The following ENOX1 variants were observed in gnomAD, a reference collection of about 807,000 sequenced individuals.
ENOX1 encodes candidate growth-related and time keeping constitutive hydroquinone (NADH) oxidase.
A neutral mutation model predicts 82.5 loss-of-function variants in ENOX1; 42 were observed. The ratio of observed to expected loss-of-function variants is 0.51; its 90% CI spans 0.40 to 0.66. The LOEUF (loss-of-function observed/expected upper bound fraction) is 0.66. Ranked by LOEUF, ENOX1 falls within the 30% of genes least tolerant of loss-of-function variation. ENOX1 has a pLI of 0.00. For missense variants in ENOX1, 608 were observed against 811.6 expected (o/e 0.75, Z 3.05); for synonymous variants, 271 against 282.2 (o/e 0.96, Z 0.40).
At chr13:43,620,878 T>C (rs1333859452) in intron 2 of ENOX1, among the ~76,000 whole-genome samples, 1 of 152,218 alleles carries the variant, frequency 6.6e-6, no homozygotes, top group Non-Finnish European at 1.5e-5. Context: ...TGTTGTTGTC[T>C]ATCTCATTTC....
intron 14 of ENOX1, among the ~76,000 whole-genome samples, chr13:43,237,334 A>AT (rs2042598453): frequency 6.6e-6 from 1 of 152,212 alleles, no homozygotes; most frequent in South Asian, 2.1e-4. Flanking sequence ...AGGCTGGACT[A>AT]TTTTTAGTTC....
At chr13:43,514,017 T>C (rs1398014579) in intron 2 of ENOX1, among the ~76,000 whole-genome samples, 2 of 152,174 alleles carry the variant, frequency 1.3e-5, no homozygotes, top group Non-Finnish European at 2.9e-5. Context: ...TGCATGTGCA[T>C]TTATTTCTGT....
At chr13:43,610,746 A>G (rs981807537) in intron 2 of ENOX1, among the ~76,000 whole-genome samples, 2 of 9,244 alleles carry the variant, frequency 2.2e-4, no homozygotes, top group Non-Finnish European at 2.7e-4. Context: ...AACATTTCCC[A>G]TAGTTTTTTT....
intron 1 of ENOX1, among the ~76,000 whole-genome samples, chr13:43,706,485 T>C (rs1039850656): frequency 1.3e-5 from 2 of 151,964 alleles, no homozygotes; most frequent in Non-Finnish European, 2.9e-5. Flanking sequence ...CTCAGAAAGA[T>C]GTAAAAGCTG....
chr13:43,687,832 CAGGA>C (rs1468173387), intron 1 of ENOX1, among the ~76,000 whole-genome samples: 1 of 152,044 alleles, frequency 6.6e-6, no homozygotes, highest in African/African-American at 2.4e-5. Context: ...ATGGGCCACA[CAGGA>C]AGGAAACCAA....
At chr13:43,674,402 G>A (rs1466307601) in intron 1 of ENOX1, among the ~76,000 whole-genome samples, 1 of 152,156 alleles carries the variant, frequency 6.6e-6, no homozygotes, top group Non-Finnish European at 1.5e-5. Context: ...AGAGCAAAAG[G>A]CTACAGCAAA....
intron 2 of ENOX1, among the ~76,000 whole-genome samples, chr13:43,639,834 T>C (rs1310547392): frequency 6.6e-6 from 1 of 152,134 alleles, no homozygotes; most frequent in African/African-American, 2.4e-5. Context: ...TTCGAGATTA[T>C]CCTGGCCAAC....
intron 8 of ENOX1, 53 bp downstream of exon 8, chr13:43,355,866 C>A: frequency 6.5e-7 from 1 of 1,536,682 alleles, no homozygotes; most frequent in Non-Finnish European, 8.9e-7. Context: ...GCACAGGGTT[C>A]CGTGTCTGGG....
intron 1 of ENOX1, among the ~76,000 whole-genome samples, chr13:43,728,359 T>C (rs1301155774): frequency 6.6e-6 from 1 of 152,218 alleles, no homozygotes; most frequent in Non-Finnish European, 1.5e-5. Flanking sequence ...TTAAAGATTT[T>C]GAGGGGAGAA....
intron 2 of ENOX1, among the ~76,000 whole-genome samples, chr13:43,499,871 G>T (rs1383233866): frequency 6.6e-6 from 1 of 151,982 alleles, no homozygotes; most frequent in African/African-American, 2.4e-5. Context: ...AAAATTAGAA[G>T]TTCAACAAAG....
chr13:43,237,627 C>T (rs7320825), intron 14 of ENOX1, among the ~76,000 whole-genome samples: 32,987 of 151,952 alleles, frequency 0.22, 4,373 homozygotes, highest in African/African-American at 0.37. Flanking sequence ...GCCGAATGGA[C>T]GAAGAATTCA....
chr13:43,440,714 AATCACTGAAGT>A (rs2056312958), intron 3 of ENOX1, among the ~76,000 whole-genome samples: 1 of 152,226 alleles, frequency 6.6e-6, no homozygotes, highest in Non-Finnish European at 1.5e-5. Context: ...TTATAATACA[AATCACTGAAGT>A]ATCATTTTAT....
At chr13:43,778,609 C>T (rs1952063262) in intron 1 of ENOX1, among the ~76,000 whole-genome samples, 1 of 152,216 alleles carries the variant, frequency 6.6e-6, no homozygotes, top group South Asian at 2.1e-4. Context: ...CACCACAGAT[C>T]TCTCTTCAGC....
intron 5 of ENOX1, among the ~76,000 whole-genome samples, chr13:43,369,008 AC>A (rs1288000298): frequency 1.3e-5 from 2 of 151,110 alleles, no homozygotes; most frequent in Non-Finnish European, 3.0e-5. Context: ...CACTGCACTC[AC>A]TAGCTCCTGA....
At chr13:43,685,831 A>G (rs2086040729) in intron 1 of ENOX1, among the ~76,000 whole-genome samples, 1 of 150,750 alleles carries the variant, frequency 6.6e-6, no homozygotes, top group South Asian at 2.1e-4. Context: ...CCTCCTCAAG[A>G]ATCTAACAGA....
chr13:43,596,137 T>G (rs1020647165), intron 2 of ENOX1, among the ~76,000 whole-genome samples: 1 of 152,164 alleles, frequency 6.6e-6, no homozygotes, highest in African/African-American at 2.4e-5. Flanking sequence ...TGCTAAAGAT[T>G]AAAAAAATGA....
intron 1 of ENOX1, among the ~76,000 whole-genome samples, chr13:43,766,484 C>G (rs920802543): frequency 2.0e-5 from 3 of 152,196 alleles, no homozygotes; most frequent in Non-Finnish European, 2.9e-5. Flanking sequence ...ATCCTAGCCA[C>G]GCACTCAAGC....
intron 1 of ENOX1, among the ~76,000 whole-genome samples, chr13:43,774,024 A>G (rs1488034662): frequency 3.3e-5 from 5 of 152,262 alleles, no homozygotes; most frequent in African/African-American, 1.2e-4. Flanking sequence ...AAACTCAGAA[A>G]CTTCTTAGAA....
chr13:43,397,494 T>A (rs1267139908), intron 5 of ENOX1, among the ~76,000 whole-genome samples: 5 of 152,178 alleles, frequency 3.3e-5, no homozygotes, highest in Non-Finnish European at 4.4e-5. Flanking sequence ...TAGGATGCAT[T>A]AACTGATGGC....
Sources: allele counts gnomAD v4.1 joint callset (sites outside exome capture counted in the v4.1 genomes callset), GRCh38; gene constraint gnomAD v4.1.1; transcripts MANE v1.5; gene names NCBI Gene and HGNC (gene_info 2026-07-23, HGNC 2026-07-21).